The following PRKN variants were observed in gnomAD, a reference collection of about 807,000 sequenced individuals.
The protein encoded by PRKN is E3 ubiquitin-protein ligase parkin.
In PRKN, 56 loss-of-function variants were observed where a neutral mutation model predicts 59.5. That is an observed-to-expected ratio of 0.94 (90% CI 0.76 to 1.18). The LOEUF is 1.18. PRKN is among the 50% of genes most tolerant of loss of function. The pLI, the probability that PRKN is intolerant of heterozygous loss-of-function variation, is 0.00. For synonymous variants in PRKN, 250 were observed against 222.1 expected (o/e 1.13, Z -1.12); for missense variants, 657 against 596.4 (o/e 1.10, Z -1.06).
At chr6:161,802,736 C>G (rs1037276647) in intron 6 of PRKN, among the ~76,000 whole-genome samples, 23 of 152,278 alleles carry the variant, frequency 1.5e-4, no homozygotes, top group Admixed American at 9.2e-4. Flanking sequence ...TAACATCAAT[C>G]ACTTCCTATA....
At chr6:162,387,451 T>C (rs918551270) in intron 2 of PRKN, among the ~76,000 whole-genome samples, 1 of 151,900 alleles carries the variant, frequency 6.6e-6, no homozygotes, top group Non-Finnish European at 1.5e-5. Flanking sequence ...GAAACAACGA[T>C]AATAATTGCT....
chr6:161,766,488 T>TC (rs1789429738), intron 7 of PRKN, among the ~76,000 whole-genome samples: 1 of 152,134 alleles, frequency 6.6e-6, no homozygotes, highest in Admixed American at 6.6e-5. Flanking sequence ...TTCTGTATTT[T>TC]CAGTAGAGAC....
At chr6:162,226,363 G>A (rs1357271794) in intron 3 of PRKN, among the ~76,000 whole-genome samples, 1 of 152,076 alleles carries the variant, frequency 6.6e-6, no homozygotes, top group East Asian at 1.9e-4. Context: ...CTGTGGATAG[G>A]GGCCCTAGGG....
At chr6:161,505,291 T>C (rs1285008146) in intron 9 of PRKN, among the ~76,000 whole-genome samples, 1 of 152,042 alleles carries the variant, frequency 6.6e-6, no homozygotes, top group African/African-American at 2.4e-5. Context: ...GTGAGCATTT[T>C]TTCATGTGTT....
intron 7 of PRKN, among the ~76,000 whole-genome samples, chr6:161,778,984 G>C (rs893945472): frequency 6.6e-6 from 1 of 151,746 alleles, no homozygotes. Flanking sequence ...TTGCTCTGTC[G>C]CCCAGGCTGG....
chr6:162,674,041 C>G (rs1779442403), intron 1 of PRKN, among the ~76,000 whole-genome samples: 1 of 152,154 alleles, frequency 6.6e-6, no homozygotes, highest in Admixed American at 6.6e-5. Flanking sequence ...TGACACCAGC[C>G]AATCCGTGCA....
intron 6 of PRKN, among the ~76,000 whole-genome samples, chr6:161,849,308 T>C (rs1364671649): frequency 6.6e-6 from 1 of 152,166 alleles, no homozygotes; most frequent in Non-Finnish European, 1.5e-5. Context: ...TTTCAACTGT[T>C]TTAGAATTCT....
intron 4 of PRKN, among the ~76,000 whole-genome samples, chr6:162,163,768 C>T (rs2128317462): frequency 6.7e-6 from 1 of 148,262 alleles, no homozygotes; most frequent in Admixed American, 6.7e-5. Context: ...GGAGGGAGCG[C>T]CTTGCACATT....
At chr6:162,013,028 C>T (rs574161339) in intron 5 of PRKN, among the ~76,000 whole-genome samples, 2 of 152,224 alleles carry the variant, frequency 1.3e-5, no homozygotes, top group African/African-American at 2.4e-5. Flanking sequence ...CAAACCTCTA[C>T]TTACCAGTTT....
intron 2 of PRKN, among the ~76,000 whole-genome samples, chr6:162,352,047 T>A (rs1784648036): frequency 6.6e-6 from 1 of 151,934 alleles, no homozygotes; most frequent in African/African-American, 2.4e-5. Flanking sequence ...CCCTACCGGG[T>A]CAGATACAAA....
intron 1 of PRKN, chr6:162,569,510 CA>C (rs1780221956): frequency 4.3e-6 from 3 of 700,530 alleles, no homozygotes; most frequent in Non-Finnish European, 8.0e-6. Context: ...CATGAGTATC[CA>C]TACAAAGACC....
At chr6:161,671,056 A>C (rs1189070746) in intron 7 of PRKN, among the ~76,000 whole-genome samples, 1 of 152,116 alleles carries the variant, frequency 6.6e-6, no homozygotes, top group Non-Finnish European at 1.5e-5. Context: ...TTTTCCCTCA[A>C]GCACTAAAAA....
At chr6:161,486,231 G>C (rs1371219550) in intron 9 of PRKN, among the ~76,000 whole-genome samples, 1 of 133,158 alleles carries the variant, frequency 7.5e-6, no homozygotes. Context: ...CCAGATAAGT[G>C]TGGCAAACAG....
chr6:162,709,707 T>G lies in PRKN; in HGVS notation c.7+17955A>C, dbSNP rs184737866. 6.7e-4 allele frequency among the ~76,000 whole-genome samples: 102 copies of G among 152,308 alleles called. No homozygotes were observed. In the East Asian group the frequency reaches 9.8e-3, roughly 15 times the overall value. On this transcript the variant is annotated intron_variant, in intron 1 of 11. Transcript: ENST00000366898. ...ACCATGAAACAGTAACTGGCTAAAA[T>G]GTATGAGAAACGATACACATACCAT...
intron 3 of PRKN, 148 bp downstream of exon 3, chr6:162,262,377 C>A: frequency 1.1e-6 from 1 of 906,930 alleles, no homozygotes; most frequent in Admixed American, 1.7e-5. Context: ...AGTACTCCAC[C>A]TACAGTGATG....
At chr6:162,600,056 C>T (rs1028781156) in intron 1 of PRKN, among the ~76,000 whole-genome samples, 10 of 152,146 alleles carry the variant, frequency 6.6e-5, no homozygotes, top group African/African-American at 2.4e-4. Flanking sequence ...ATCTTTTATA[C>T]ATTTATATAC....
Position 161,386,952 on chromosome 6 carries a change from A to G in PRKN, c.1084-75T>C. On this transcript the variant is annotated intron_variant, in intron 9 of 11. Transcript: ENST00000366898. The surrounding 1 kb of genome is among the most constrained non-coding windows in gnomAD (Gnocchi z 4.3). ...CAATAACACATTTTTCCTTTTCCAA[A>G]TTCATTATATTCATTCCTCTGGCTT... The G allele has an allele frequency of 9.4e-7, 1 of 1,066,468 alleles. No individual in the cohort carries two copies. The highest frequency in any genetic ancestry group is 1.5e-6 in the Non-Finnish European group (1 of 680,820). The allele number at this position is 1,066,468 out of a possible 1,614,324, so 66.1% of individuals were successfully genotyped here. A position where few individuals can be genotyped will look rare whatever the true frequency, so the allele number is the denominator to read the frequency against.
At chr6:162,073,799 C>T (rs1778693114) in intron 4 of PRKN, among the ~76,000 whole-genome samples, 1 of 152,174 alleles carries the variant, frequency 6.6e-6, no homozygotes, top group African/African-American at 2.4e-5. Context: ...ACTTCCAATA[C>T]AAAAACGTGT....
chr6:161,943,396 T>C (rs1009756131), intron 6 of PRKN, among the ~76,000 whole-genome samples: 1 of 152,228 alleles, frequency 6.6e-6, no homozygotes, highest in Non-Finnish European at 1.5e-5. Flanking sequence ...ATTTTAACTT[T>C]ATCTAATTCA....
Sources: allele counts gnomAD v4.1 joint callset (sites outside exome capture counted in the v4.1 genomes callset), GRCh38; gene constraint gnomAD v4.1.1; non-coding constraint Gnocchi (gnomAD v3.1); transcripts MANE v1.5; gene names NCBI Gene and HGNC (gene_info 2026-07-23, HGNC 2026-07-21).